The following EIF3I variants were observed in gnomAD, a reference collection of about 807,000 sequenced individuals.
The protein encoded by EIF3I is eukaryotic translation initiation factor 3 subunit I.
A neutral mutation model predicts 43.3 loss-of-function variants in EIF3I; 20 were observed. That is an observed-to-expected ratio of 0.46 (90% confidence interval 0.32 to 0.67). The LOEUF is 0.67. Among genes scored for constraint, EIF3I ranks in the 30% least tolerant of loss-of-function variants. The pLI is 0.03. For missense variants in EIF3I, 279 were observed against 421.4 expected (o/e 0.66, Z 2.96); for synonymous variants, 167 against 151.7 (o/e 1.10, Z -0.74).
intron 4 of EIF3I, 133 bp from the exon 5 acceptor site, chr1:32,226,038 A>AT: frequency 8.1e-7 from 1 of 1,227,658 alleles, no homozygotes; most frequent in Non-Finnish European, 1.1e-6. Flanking sequence ...AAAAAAAAAA[A>AT]GAAAAGTTAA....
intron 4 of EIF3I, 26 bp downstream of exon 4, chr1:32,224,501 A>G: frequency 6.3e-7 from 1 of 1,595,272 alleles, no homozygotes; most frequent in Non-Finnish European, 8.6e-7. Flanking sequence ...TCACCTTTTT[A>G]GCAAATATTG....
At chr1:32,225,849 G>A (rs1329363705) in intron 4 of EIF3I, among the ~76,000 whole-genome samples, 1 of 151,618 alleles carries the variant, frequency 6.6e-6, no homozygotes, top group Non-Finnish European at 1.5e-5. Flanking sequence ...GTGAAATCCC[G>A]TCTCTACTAA....
At chr1:32,230,964 G>A (rs763887111) in exon 11 of EIF3I, 5 of 1,601,488 alleles carry the variant, frequency 3.1e-6, no homozygotes, top group Non-Finnish European at 4.2e-6. Context: ...GTTTGGAAGA[G>A]TCAAGGGTCA....
At chr1:32,224,435 C>T in exon 4 of EIF3I, 1 of 1,613,862 alleles carries the variant, frequency 6.2e-7, no homozygotes, top group South Asian at 1.1e-5. Flanking sequence ...TCCTCACTGG[C>T]TCAGCTGACA....
intron 6 of EIF3I, among the ~76,000 whole-genome samples, chr1:32,228,279 C>A (rs879477531): frequency 1.3e-5 from 2 of 152,086 alleles, no homozygotes; most frequent in Admixed American, 1.3e-4. Context: ...ACAGCTTTTG[C>A]AGTTTATGTT....
At chr1:32,228,177 C>A (rs891638620) in intron 6 of EIF3I, among the ~76,000 whole-genome samples, 1 of 152,200 alleles carries the variant, frequency 6.6e-6, no homozygotes, top group East Asian at 1.9e-4. Context: ...AGATTTTAAA[C>A]GTCCTTCAGT....
At chr1:32,228,996 C>CA in intron 8 of EIF3I, 139 bp from the exon 9 acceptor site, 2 of 1,095,466 alleles carry the variant, frequency 1.8e-6, no homozygotes, top group Non-Finnish European at 2.7e-6. Context: ...CAGGAGGTGG[C>CA]AGAAGTGTCT....
exon 12 of EIF3I, chr1:32,231,166 A>G: frequency 6.2e-7 from 1 of 1,614,048 alleles, no homozygotes. Context: ...ACTTCGACCC[A>G]CAGTACTTCG....
chr1:32,228,584 C>T (rs1639185393), exon 7 of EIF3I: 1 of 1,614,076 alleles, frequency 6.2e-7, no homozygotes, highest in Non-Finnish European at 8.5e-7. Context: ...ATGTTTGTGA[C>T]CGCGTCCAAG....
downstream of EIF3I, among the ~76,000 whole-genome samples, chr1:32,233,749 C>G (rs931693248): frequency 6.6e-6 from 1 of 152,208 alleles, no homozygotes; most frequent in Non-Finnish European, 1.5e-5. Flanking sequence ...AACAATCGAC[C>G]TTGCAAAGTG....
intron 6 of EIF3I, 119 bp downstream of exon 6, chr1:32,226,649 C>T: frequency 1.8e-6 from 2 of 1,096,972 alleles, no homozygotes; most frequent in Non-Finnish European, 2.4e-6. Flanking sequence ...TCACTGCGAC[C>T]TCCACCTCCC....
At chr1:32,222,564 G>A (rs779888450) in exon 2 of EIF3I, 10 of 1,614,054 alleles carry the variant, frequency 6.2e-6, no homozygotes, top group Non-Finnish European at 7.6e-6. Flanking sequence ...AGGGCCATGA[G>A]CGGTCCATTA....
intron 6 of EIF3I, 118 bp from the exon 7 acceptor site, chr1:32,228,381 G>C: frequency 1.3e-6 from 1 of 754,562 alleles, no homozygotes; most frequent in African/African-American, 1.7e-5. Flanking sequence ...AGGATAGAGG[G>C]GGTGAGGAAA....
At chr1:32,232,019 A>T (rs1171685057), downstream of EIF3I, 2 of 153,064 alleles carry the variant, frequency 1.3e-5, no homozygotes, top group South Asian at 2.1e-4. Flanking sequence ...GGTAATACCC[A>T]GGGGAGAAGG....
chr1:32,233,417 G>T (rs1319060007), downstream of EIF3I, among the ~76,000 whole-genome samples: 1 of 152,100 alleles, frequency 6.6e-6, no homozygotes, highest in Non-Finnish European at 1.5e-5. Context: ...GCCTCCCAAA[G>T]TGCTGGGATT....
exon 12 of EIF3I, chr1:32,231,164 C>T (rs771414600): frequency 6.2e-7 from 1 of 1,613,934 alleles, no homozygotes; most frequent in Non-Finnish European, 8.5e-7. Flanking sequence ...TTACTTCGAC[C>T]CACAGTACTT....
At position 32,222,523 on chromosome 1, in the gene EIF3I, G is replaced by T; in HGVS notation, c.4-15G>T. On this transcript the variant is annotated splice_polypyrimidine_tract_variant and intron_variant, in intron 1 of 11. Coordinates refer to ENST00000676679, the Ensembl canonical transcript of EIF3I. ...CCCAATTCCGAGCACTGACGTTACT[G>T]TCTTGTCCCCACAGAAGCCGATCCT... 1.9e-6 allele frequency: 3 copies of T among 1,614,128 alleles called. No homozygotes were observed. The highest frequency in any genetic ancestry group is 2.5e-6 in the Non-Finnish European group (3 of 1,179,984).
At chr1:32,231,727 C>G (rs1314239319), downstream of EIF3I, 1 of 154,344 alleles carries the variant, frequency 6.5e-6, no homozygotes, top group African/African-American at 2.4e-5. Flanking sequence ...TTAAGACCCT[C>G]AGTACTTTTG....
At chr1:32,232,895 C>A (rs1408323385), downstream of EIF3I, among the ~76,000 whole-genome samples, 1 of 152,144 alleles carries the variant, frequency 6.6e-6, no homozygotes, top group Non-Finnish European at 1.5e-5. Flanking sequence ...TCCCTCCCCG[C>A]ATCTCTCAAT....
Sources: allele counts gnomAD v4.1 joint callset (sites outside exome capture counted in the v4.1 genomes callset), GRCh38; gene constraint gnomAD v4.1.1; transcripts MANE v1.5; gene names NCBI Gene and HGNC (gene_info 2026-07-23, HGNC 2026-07-21).